HOOK3: variants seen among roughly 807,000 people sequenced by gnomAD.
HOOK3 encodes the protein hook microtubule tethering protein 3, also known as protein Hook homolog 3.
HOOK3 carries 24 observed loss-of-function variants against 116.3 expected under a neutral mutation model. The ratio of observed to expected loss-of-function variants is 0.21; its 90% confidence interval spans 0.15 to 0.29. The LOEUF (loss-of-function observed/expected upper bound fraction) is 0.29. HOOK3 is among the 10% of genes least tolerant of loss of function. The pLI is 1.00. For missense variants in HOOK3, 632 were observed against 830.2 expected (o/e 0.76, Z 2.93); for synonymous variants, 275 against 283.0 (o/e 0.97, Z 0.28).
At chr8:42,960,415 C>T (rs995567896) in intron 8 of HOOK3, among the ~76,000 whole-genome samples, 9 of 152,198 alleles carry the variant, frequency 5.9e-5, no homozygotes, top group African/African-American at 2.2e-4. Flanking sequence ...GGTAGCCCTA[C>T]AGCATGTTTT....
At chr8:42,938,784 C>T (rs1020952423) in intron 4 of HOOK3, among the ~76,000 whole-genome samples, 4 of 151,838 alleles carry the variant, frequency 2.6e-5, no homozygotes, top group African/African-American at 7.3e-5. Context: ...GGCAGGGTCA[C>T]AGGACAATAG....
At chr8:42,958,423 A>G (rs935428296) in intron 7 of HOOK3, among the ~76,000 whole-genome samples, 8 of 152,068 alleles carry the variant, frequency 5.3e-5, no homozygotes, top group Non-Finnish European at 1.2e-4. Context: ...TTTATATAGT[A>G]ATGAGATACA....
In HOOK3 at chr8:42,972,492, A is replaced by G. The variant is rs1472214811; in HGVS notation, c.1123-797A>G. Among the ~76,000 whole-genome samples the G allele has an allele frequency of 3.9e-5, 6 of 152,030 alleles. 1 individual carries two copies. Among genetic ancestry groups the G allele is most frequent in the South Asian group, 2.1e-4 (1 of 4,828 alleles). On this transcript the variant is annotated intron_variant, in intron 11 of 21. Coordinates refer to ENST00000307602, the MANE Select transcript of HOOK3 (RefSeq NM_032410.4). ...AATGGTATGATCATAGCTCACTGCA[A>G]TCTTGAACTCCTGGGCTCAAGTGAT...
At chr8:42,970,780 G>GTTTTTTTTTTTTTTTT (rs1299118892) in intron 11 of HOOK3, among the ~76,000 whole-genome samples, 6 of 127,914 alleles carry the variant, frequency 4.7e-5, no homozygotes, top group African/African-American at 2.1e-4. Context: ...AGGAATTTGG[G>GTTTTTTTTTTTTTTTT]TCTTTTTTTT....
chr8:43,007,284 A>G (rs924841847), intron 17 of HOOK3, among the ~76,000 whole-genome samples: 1 of 152,100 alleles, frequency 6.6e-6, no homozygotes, highest in Admixed American at 6.6e-5. Flanking sequence ...TCCCAAACCT[A>G]GGTGACCCGG....
chr8:42,907,816 C>CAA (rs71550426), intron 2 of HOOK3, among the ~76,000 whole-genome samples: 907 of 45,372 alleles, frequency 0.02, 37 homozygotes, highest in East Asian at 0.04. Flanking sequence ...AGCAACGAGG[C>CAA]AAAAAAAAAA....
intron 15 of HOOK3, among the ~76,000 whole-genome samples, chr8:42,991,605 T>C (rs1809162305): frequency 1.3e-5 from 2 of 152,250 alleles, no homozygotes; most frequent in South Asian, 4.1e-4. Context: ...TTTTGCCCGG[T>C]TGGCTGGGCT....
chr8:42,925,425 A>T (rs1409364400), intron 2 of HOOK3, 132 bp from the exon 3 acceptor site: 1 of 612,298 alleles, frequency 1.6e-6, no homozygotes, highest in Non-Finnish European at 2.8e-6. Flanking sequence ...CACGAAAGTT[A>T]TTTCGTGGCT....
intron 1 of HOOK3, among the ~76,000 whole-genome samples, chr8:42,901,352 G>A (rs943543883): frequency 1.3e-5 from 2 of 152,180 alleles, no homozygotes; most frequent in Admixed American, 6.5e-5. Flanking sequence ...TCCTGAAATA[G>A]ATGTTAGCTC....
chr8:42,926,654 T>G (rs1293249841), intron 3 of HOOK3, among the ~76,000 whole-genome samples: 1 of 152,234 alleles, frequency 6.6e-6, no homozygotes, highest in Non-Finnish European at 1.5e-5. Context: ...TATGTGTACC[T>G]TTTACCCAGT....
Position 43,026,045 on chromosome 8 carries a change from G to A in HOOK3, c.*7547G>A. The A allele has an allele frequency of 4.8e-6, 1 of 209,228 alleles. No individual in the cohort carries two copies. The highest frequency in any genetic ancestry group is 5.9e-5 in the Admixed American group (1 of 16,944). The allele number at this position is 209,228 out of a possible 1,614,324, so 13.0% of individuals were successfully genotyped here. Reference sequence around the variant, plus strand: ...AGCAACTCCTACTTGAGAGAAAGAAGACTACCAAAGCATGTTGAGGCTTTA... The same window carrying A: ...AGCAACTCCTACTTGAGAGAAAGAAAACTACCAAAGCATGTTGAGGCTTTA... On this transcript the variant is annotated 3_prime_UTR_variant, in exon 22 of 22. Transcript: ENST00000307602.
chr8:42,945,061 C>T (rs1419874165), intron 5 of HOOK3, among the ~76,000 whole-genome samples: 1 of 152,026 alleles, frequency 6.6e-6, no homozygotes, highest in Non-Finnish European at 1.5e-5. Flanking sequence ...AATTTCAACT[C>T]GTTTCCACCT....
intron 17 of HOOK3, among the ~76,000 whole-genome samples, chr8:43,005,473 C>T (rs1049794526): frequency 2.6e-5 from 4 of 151,720 alleles, no homozygotes; most frequent in Non-Finnish European, 5.9e-5. Flanking sequence ...CCGCCTGCCT[C>T]GGCCTTCCAA....
At chr8:42,949,297 G>C (rs142382555) in intron 5 of HOOK3, 46 of 152,320 alleles carry the variant, frequency 3.0e-4, no homozygotes, top group African/African-American at 1.1e-3. Context: ...TAATAACAAA[G>C]AGATCTTTTT....
intron 2 of HOOK3, among the ~76,000 whole-genome samples, chr8:42,916,562 A>T (rs1425112282): frequency 6.6e-6 from 1 of 152,250 alleles, no homozygotes; most frequent in Non-Finnish European, 1.5e-5. Context: ...ATGCGTCAGC[A>T]GTCACATCCT....
intron 2 of HOOK3, among the ~76,000 whole-genome samples, chr8:42,919,104 A>G (rs183713007): frequency 0.054 from 8,138 of 151,052 alleles, 460 homozygotes; most frequent in African/African-American, 0.14. Context: ...CCCATCACCC[A>G]GACAGGGCGG....
chr8:42,966,657 G>T (rs995348654), intron 10 of HOOK3, 44 bp downstream of exon 10: 31 of 1,593,912 alleles, frequency 1.9e-5, no homozygotes, highest in Non-Finnish European at 2.7e-5. Context: ...TGGCTCTGGT[G>T]TTAGAAACTC....
chr8:42,931,722 G>A (rs1274748897), intron 4 of HOOK3, among the ~76,000 whole-genome samples: 5 of 151,168 alleles, frequency 3.3e-5, no homozygotes, highest in African/African-American at 9.7e-5. Context: ...ATGAGCCACC[G>A]CACCTTCCCT....
At chr8:42,939,808 G>GGGC (rs1808066238) in intron 4 of HOOK3, among the ~76,000 whole-genome samples, 1 of 150,622 alleles carries the variant, frequency 6.6e-6, no homozygotes, top group Non-Finnish European at 1.5e-5. Context: ...TTCTCAGACG[G>GGGC]GGCGGCCGGG....
Sources: allele counts gnomAD v4.1 joint callset (sites outside exome capture counted in the v4.1 genomes callset), GRCh38; gene constraint gnomAD v4.1.1; transcripts MANE v1.5; gene names NCBI Gene and HGNC (gene_info 2026-07-23, HGNC 2026-07-21).